The following MORC3 variants were observed in gnomAD, a reference collection of about 807,000 sequenced individuals.
MORC3 encodes the protein MORC family CW-type zinc finger 3, also known as MORC family CW-type zinc finger protein 3.
Under a neutral mutation model 109.1 loss-of-function variants are expected in MORC3, and 31 were observed. The observed-to-expected ratio is 0.28, with a 90% CI of 0.21 to 0.38. The LOEUF (loss-of-function observed/expected upper bound fraction) is 0.38, where lower values mean the gene tolerates loss of function less well. Among genes scored for constraint, MORC3 ranks in the 10% least tolerant of loss-of-function variants. The pLI, the probability that MORC3 is intolerant of heterozygous loss-of-function variation, is 1.00. For missense variants in MORC3, 867 were observed against 1,135.8 expected (o/e 0.76, Z 3.40); for synonymous variants, 395 against 380.7 (o/e 1.04, Z -0.44).
In MORC3 at chr21:36,360,069, A is replaced by G; in HGVS notation, c.1323A>G (p.Pro441=). 1 of 1,614,150 alleles carries G rather than the reference A, an allele frequency of 6.2e-7. No homozygotes were observed. The highest frequency in any genetic ancestry group is 8.5e-7 in the Non-Finnish European group (1 of 1,180,024). The change falls in exon 11 of 17, where the codon CCA becomes CCG. Residue 441 remains proline (P), a synonymous_variant. Coordinates refer to ENST00000400485, the MANE Select transcript of MORC3 (RefSeq NM_015358.3). ...EKWYCSNNPD[P]QFRNCEVPEE... is the part of the protein sequence containing the mutation. ...GGTATTGCTCCAATAACCCTGACCC[A>G]CAGTTCAGGTACCATAGAGTTGGTA...
chr21:36,359,652 C>T (rs933721581), intron 10 of MORC3, among the ~76,000 whole-genome samples: 24 of 142,244 alleles, frequency 1.7e-4, no homozygotes, highest in African/African-American at 5.8e-4. Context: ...CTCCTGGGCT[C>T]AAGCAATCCT....
intron 14 of MORC3, among the ~76,000 whole-genome samples, chr21:36,368,517 T>G (rs2085806539): frequency 6.6e-6 from 1 of 152,194 alleles, no homozygotes; most frequent in Non-Finnish European, 1.5e-5. Flanking sequence ...TCTACTTCAT[T>G]AAATCAGTGA....
intron 1 of MORC3, among the ~76,000 whole-genome samples, chr21:36,327,341 A>G (rs1255949660): frequency 6.7e-6 from 1 of 150,130 alleles, no homozygotes; most frequent in East Asian, 2.0e-4. Flanking sequence ...GGCTTTTGGT[A>G]GAGACGGGGT....
At chr21:36,352,652 G>T (rs918791725) in intron 9 of MORC3, among the ~76,000 whole-genome samples, 2 of 152,034 alleles carry the variant, frequency 1.3e-5, no homozygotes, top group African/African-American at 4.8e-5. Context: ...TTGGATTTGG[G>T]ATGTTCAGCT....
At position 36,344,981 on chromosome 21, in the gene MORC3, C is replaced by A; in HGVS notation, c.955C>A (p.His319Asn). Residue 319 changes from histidine (H) to asparagine (N), a missense_variant, in exon 8 of 17, where the codon CAC becomes AAC. This residue lies in a region of MORC3 where 120 missense variants were observed against 259.7 expected (regional missense o/e 0.46). Transcript: ENST00000400485. ...NKDHYGIMMYHRNRLIKAYEK... is the reference protein window; with the variant it reads ...NKDHYGIMMYNRNRLIKAYEK... ...AGATCATTATGGGATAATGATGTATCACAGAAATAGACTCATCAAAGCTTA... is the reference window on the plus strand; with the variant it reads ...AGATCATTATGGGATAATGATGTATAACAGAAATAGACTCATCAAAGCTTA... The A allele has an allele frequency of 6.2e-7, 1 of 1,611,710 alleles. No homozygotes were observed. Among genetic ancestry groups the A allele is most frequent in the South Asian group, 1.1e-5 (1 of 90,486 alleles).
rs1244719730 is a variant in MORC3, at chr21:36,370,633, ATATATATTTTTTTTTTTTTTTT to A, written c.2508+759_2508+780del. Among the ~76,000 whole-genome samples, 190 of 46,498 alleles carry A rather than the reference ATATATATTTTTTTTTTTTTTTT, an allele frequency of 4.1e-3. 1 individual carries two copies. The highest frequency in any genetic ancestry group is 0.016 in the African/African-American group (183 of 11,634). The allele number at this position is 46,498 out of a possible 152,430, so 30.5% of individuals were successfully genotyped here. A position where few individuals can be genotyped will look rare whatever the true frequency, so the allele number is the denominator to read the frequency against. ...CATACATATATATATATATATATAT[ATATATATTTTTTTTTTTTTTTT>A]TTTTTTTTTTTTTTTTCTTCTTCTT... On this transcript the variant is annotated intron_variant, in intron 15 of 16. Transcript: ENST00000400485.
intron 14 of MORC3, among the ~76,000 whole-genome samples, chr21:36,365,425 C>T (rs552191515): frequency 5.9e-4 from 90 of 152,320 alleles, no homozygotes; most frequent in Non-Finnish European, 1.1e-3. Flanking sequence ...TTGAAACAAG[C>T]TTCTCTAAGA....
At chr21:36,350,019 A>C (rs896212407) in intron 9 of MORC3, among the ~76,000 whole-genome samples, 2 of 152,342 alleles carry the variant, frequency 1.3e-5, no homozygotes, top group East Asian at 3.9e-4. Context: ...GAATCAAAAA[A>C]GTCAGCCAGG....
chr21:36,355,598 A>G (rs2085636212), intron 9 of MORC3, among the ~76,000 whole-genome samples: 2 of 151,970 alleles, frequency 1.3e-5, no homozygotes, highest in Non-Finnish European at 2.9e-5. Context: ...TTTTTTGCTA[A>G]TAAGTGTTCT....
At position 36,336,938 on chromosome 21, in the gene MORC3, C is replaced by T. The variant is rs1380148001; in HGVS notation, c.177C>T (p.Asp59=). 11 of 1,612,632 alleles carry T rather than the reference C, an allele frequency of 6.8e-6. No homozygotes were observed. Among genetic ancestry groups the T allele is most frequent in the Non-Finnish European group, 9.3e-6 (11 of 1,179,206 alleles). ...GGATTGACAAAACAGTGATAAATGA[C>T]CATATATGCTTGACATTCACCGACA... ...QIWIDKTVIN[D]HICLTFTDNG... Residue 59 remains aspartate (D), a synonymous_variant, in exon 3 of 17, where the codon GAC becomes GAT. Coordinates refer to ENST00000400485, the MANE Select transcript of MORC3 (RefSeq NM_015358.3).
chr21:36,329,611 C>T (rs1466835211), intron 1 of MORC3, among the ~76,000 whole-genome samples: 1 of 152,126 alleles, frequency 6.6e-6, no homozygotes, highest in African/African-American at 2.4e-5. Flanking sequence ...AATGGACTTC[C>T]TTCTCAGCCA....
chr21:36,340,969 C>T (rs1054335809), intron 5 of MORC3, among the ~76,000 whole-genome samples: 5 of 152,128 alleles, frequency 3.3e-5, no homozygotes, highest in Non-Finnish European at 1.5e-5. Flanking sequence ...AGTAGTGTTT[C>T]ATTGTATGTA....
intron 5 of MORC3, chr21:36,339,236 C>T (rs2085408746): frequency 5.4e-6 from 1 of 183,624 alleles, no homozygotes; most frequent in Non-Finnish European, 1.1e-5. Flanking sequence ...TCTCCTGCTT[C>T]AGTCCCCCGA....
intron 14 of MORC3, among the ~76,000 whole-genome samples, chr21:36,365,833 C>T (rs900770396): frequency 1.3e-5 from 2 of 152,144 alleles, no homozygotes; most frequent in African/African-American, 4.8e-5. Context: ...CCGCCCGCCT[C>T]GGCCTCCCAA....
At chr21:36,320,620 T>G (rs1279698013) in intron 1 of MORC3, 3 of 276,868 alleles carry the variant, frequency 1.1e-5, no homozygotes, top group Non-Finnish European at 1.3e-5. Context: ...GAGATCGGTC[T>G]GCTCTCGGGG....
chr21:36,346,476 G>A (rs1318631878), intron 8 of MORC3, among the ~76,000 whole-genome samples: 1 of 152,110 alleles, frequency 6.6e-6, no homozygotes, highest in African/African-American at 2.4e-5. Flanking sequence ...AGGATTGCTT[G>A]AGGCCAGTGC....
intron 1 of MORC3, 26 bp from the exon 2 acceptor site, chr21:36,333,620 T>A (rs2085339292): frequency 6.3e-7 from 1 of 1,579,072 alleles, no homozygotes; most frequent in African/African-American, 1.4e-5. Context: ...CTGAATTAAT[T>A]TACATGGACC....
intron 1 of MORC3, among the ~76,000 whole-genome samples, chr21:36,332,279 A>G (rs2085325370): frequency 6.6e-6 from 1 of 151,994 alleles, no homozygotes; most frequent in South Asian, 2.1e-4. Flanking sequence ...TACTAAAAAT[A>G]CAAAAAATTA....
intron 1 of MORC3, among the ~76,000 whole-genome samples, chr21:36,328,341 C>CCCCCCCCCCT: frequency 6.9e-6 from 1 of 145,198 alleles, no homozygotes; most frequent in Non-Finnish European, 1.5e-5. Flanking sequence ...CCCCCCCCCG[C>CCCCCCCCCCT]CTTTTTTTTT....
Sources: allele counts gnomAD v4.1 joint callset (sites outside exome capture counted in the v4.1 genomes callset), GRCh38; gene constraint gnomAD v4.1.1; regional missense constraint gnomAD v4.1.1; transcripts MANE v1.5; gene names NCBI Gene and HGNC (gene_info 2026-07-23, HGNC 2026-07-21).